SYNCRIP: variants seen among roughly 807,000 people sequenced by gnomAD.
SYNCRIP encodes synaptotagmin binding cytoplasmic RNA interacting protein, also known as heterogeneous nuclear ribonucleoprotein Q.
In SYNCRIP, 9 loss-of-function variants were observed where a neutral mutation model predicts 68.9. The ratio of observed to expected loss-of-function variants is 0.13; its 90% CI spans 0.08 to 0.23. The LOEUF is 0.23. Ranked by LOEUF, SYNCRIP falls within the 10% of genes least tolerant of loss-of-function variation. SYNCRIP has a pLI of 1.00. For synonymous variants in SYNCRIP, 258 were observed against 254.0 expected (o/e 1.02, Z -0.15); for missense variants, 414 against 770.6 (o/e 0.54, Z 5.48).
Position 85,640,499 on chromosome 6 carries a change from C to T in SYNCRIP, c.214G>A (p.Gly72Ser). ...AACTGTTGAAGAACTGCCAATGCAC[C>T]GTCTTCATTGAATTCTTTTAAAGCT... The part of the protein sequence containing the change: ...IEALKEFNED[G>S]ALAVLQQFKD... Residue 72 changes from glycine (G) to serine (S), a missense_variant, in exon 3 of 11, where the codon GGT becomes AGT. This residue lies in a region of SYNCRIP where 110 missense variants were observed against 269.3 expected (regional missense o/e 0.41). Coordinates refer to ENST00000369622, the MANE Select transcript of SYNCRIP (RefSeq NM_006372.5). 2 of 1,610,102 alleles carry T rather than the reference C, an allele frequency of 1.2e-6. No individual in the cohort carries two copies. Among genetic ancestry groups the T allele is most frequent in the Non-Finnish European group, 1.7e-6 (2 of 1,178,660 alleles).
downstream of SYNCRIP, chr6:85,612,931 G>A: frequency 6.5e-7 from 1 of 1,550,006 alleles, no homozygotes; most frequent in South Asian, 1.2e-5. Context: ...CTGCTAGCCA[G>A]GTAACAAAAG....
intron 6 of SYNCRIP, among the ~76,000 whole-genome samples, chr6:85,627,204 G>GT (rs1394568577): frequency 6.7e-6 from 1 of 150,038 alleles, no homozygotes; most frequent in Non-Finnish European, 1.5e-5. Flanking sequence ...GGCGGCAGGG[G>GT]TTGCAGTGAG....
downstream of SYNCRIP, among the ~76,000 whole-genome samples, chr6:85,613,367 T>C (rs181784367): frequency 9.9e-5 from 15 of 152,186 alleles, no homozygotes; most frequent in Non-Finnish European, 1.8e-4. Context: ...TTAAGAAAGT[T>C]TGTCTTTCAA....
intron 8 of SYNCRIP, 58 bp from the exon 9 acceptor site, chr6:85,619,475 C>T: frequency 7.0e-7 from 1 of 1,433,218 alleles, no homozygotes; most frequent in Non-Finnish European, 9.6e-7. Flanking sequence ...TTCTAAGATA[C>T]CACCACCCCA....
intron 2 of SYNCRIP, 40 bp downstream of exon 2, chr6:85,641,252 A>G (rs1809106740): frequency 6.4e-7 from 1 of 1,565,582 alleles, no homozygotes; most frequent in Non-Finnish European, 8.7e-7. Flanking sequence ...AATCCAATAG[A>G]AAAATTTCAT....
downstream of SYNCRIP, chr6:85,612,857 G>A (rs1805351019): frequency 6.5e-7 from 1 of 1,549,920 alleles, no homozygotes; most frequent in Non-Finnish European, 8.7e-7. Context: ...AGCTTCTGGT[G>A]TAATCCCACA....
chr6:85,613,639 G>C (rs969156757), downstream of SYNCRIP, among the ~76,000 whole-genome samples: 1 of 152,154 alleles, frequency 6.6e-6, no homozygotes, highest in East Asian at 1.9e-4. Flanking sequence ...TTATCCTTCA[G>C]ATATATATTT....
At chr6:85,631,141 G>A (rs1019361083) in intron 6 of SYNCRIP, among the ~76,000 whole-genome samples, 17 of 152,082 alleles carry the variant, frequency 1.1e-4, no homozygotes, top group African/African-American at 2.9e-4. Context: ...TCAGGAGTTC[G>A]AGACCAGCCT....
chr6:85,632,176 AG>A (rs1162253844), intron 6 of SYNCRIP, among the ~76,000 whole-genome samples: 1 of 152,208 alleles, frequency 6.6e-6, no homozygotes, highest in East Asian at 1.9e-4. Flanking sequence ...TTTAACCTAG[AG>A]AAACTATTCA....
chr6:85,621,758 ATGTAAC>A (rs1286856932), intron 8 of SYNCRIP, among the ~76,000 whole-genome samples: 10 of 152,252 alleles, frequency 6.6e-5, no homozygotes, highest in African/African-American at 2.2e-4. Context: ...TAATGGCTAA[ATGTAAC>A]TGCAAGCACC....
intron 6 of SYNCRIP, among the ~76,000 whole-genome samples, chr6:85,635,774 C>CAAAAAAAAAAAAA (rs58599854): frequency 4.7e-4 from 37 of 78,902 alleles, no homozygotes; most frequent in African/African-American, 1.7e-3. Context: ...TTCTATCTCC[C>CAAAAAAAAAAAAA]AAAAAAAAAA....
At position 85,637,162 on chromosome 6, in the gene SYNCRIP, G is replaced by A. The variant is rs1808553980; in HGVS notation, c.490-19C>T. ...CAAATATCTGTAAATTAAATATTAA[G>A]TAAAAACCATGGAGAATTGCTTTAG... On this transcript the variant is annotated intron_variant, in intron 5 of 10. Transcript: ENST00000369622. The A allele has an allele frequency of 1.2e-6, 2 of 1,607,092 alleles. No homozygotes were observed. Among genetic ancestry groups the A allele is most frequent in the African/African-American group, 1.3e-5 (1 of 74,398 alleles).
upstream of SYNCRIP, chr6:85,642,945 T>TC (rs1809389001): frequency 6.6e-6 from 1 of 152,442 alleles, no homozygotes; most frequent in African/African-American, 2.4e-5. Flanking sequence ...CCGATCCAGT[T>TC]CCACTCGCCT....
intron 1 of SYNCRIP, among the ~76,000 whole-genome samples, chr6:85,642,011 A>G (rs1809222867): frequency 6.6e-6 from 1 of 151,848 alleles, no homozygotes; most frequent in Non-Finnish European, 1.5e-5. Flanking sequence ...CCAGGAGCCC[A>G]TTAGAAACAC....
intron 6 of SYNCRIP, among the ~76,000 whole-genome samples, chr6:85,629,372 A>G (rs950994362): frequency 2.0e-5 from 3 of 152,110 alleles, no homozygotes; most frequent in African/African-American, 7.2e-5. Context: ...CATGCTAAAC[A>G]CACTATTTGC....
downstream of SYNCRIP, chr6:85,610,517 C>T (rs1384616109): frequency 6.6e-6 from 1 of 151,986 alleles, no homozygotes; most frequent in Admixed American, 6.5e-5. Context: ...TTAATGTTTT[C>T]TTAAGAACAC....
intron 6 of SYNCRIP, among the ~76,000 whole-genome samples, chr6:85,627,598 A>C (rs1319232939): frequency 2.0e-5 from 3 of 152,214 alleles, no homozygotes; most frequent in Non-Finnish European, 2.9e-5. Context: ...AATACAAAAA[A>C]CAAATGTGAA....
chr6:85,623,664 CAACT>C (rs1184063976), intron 7 of SYNCRIP, among the ~76,000 whole-genome samples: 2 of 150,288 alleles, frequency 1.3e-5, no homozygotes, highest in African/African-American at 4.9e-5. Context: ...CTAAGAACAT[CAACT>C]AACACCTAGA....
At chr6:85,622,017 G>A (rs552977931) in intron 8 of SYNCRIP, among the ~76,000 whole-genome samples, 5 of 148,896 alleles carry the variant, frequency 3.4e-5, no homozygotes, top group East Asian at 1.9e-4. Context: ...TTTCCAGTGC[G>A]CACTGCCTAG....
Sources: gnomAD v4.1 joint callset for allele counts (sites outside exome capture counted in the v4.1 genomes callset) on GRCh38, gnomAD v4.1.1 for gene constraint, gnomAD v4.1.1 regional missense constraint, MANE v1.5 for transcripts, NCBI Gene and HGNC (gene_info 2026-07-23, HGNC 2026-07-21) for gene names.